RNF121: variants seen among roughly 807,000 people sequenced by gnomAD.
RNF121 encodes the protein E3 ubiquitin ligase RNF121.
Under a neutral mutation model 46.5 loss-of-function variants are expected in RNF121, and 21 were observed. The ratio of observed to expected loss-of-function variants is 0.45; its 90% CI spans 0.32 to 0.65. The LOEUF (loss-of-function observed/expected upper bound fraction) is 0.65, where lower values mean the gene tolerates loss of function less well. RNF121 is among the 30% of genes least tolerant of loss of function. The pLI, the probability that RNF121 is intolerant of heterozygous loss-of-function variation, is 0.04. For missense variants in RNF121, 346 were observed against 416.0 expected (o/e 0.83, Z 1.46); for synonymous variants, 139 against 144.7 (o/e 0.96, Z 0.28).
intron 2 of RNF121, 126 bp downstream of exon 2, chr11:71,957,390 G>C: frequency 1.3e-6 from 1 of 751,602 alleles, no homozygotes; most frequent in East Asian, 2.5e-5. Flanking sequence ...GGTAGGACTG[G>C]TCTTTTGGGA....
At position 71,979,950 on chromosome 11, in the gene RNF121, C is replaced by T. The variant is rs116279949; in HGVS notation, c.244-2811C>T. Reference sequence around the variant, plus strand: ...GCATGAAGACCAAAACCTTCCAGCCCTTCTTTCCATATGCCACCCTTTTAG... The same window carrying T: ...GCATGAAGACCAAAACCTTCCAGCCTTTCTTTCCATATGCCACCCTTTTAG... On this transcript the variant is annotated intron_variant, in intron 3 of 8. Coordinates refer to ENST00000361756, the MANE Select transcript of RNF121 (RefSeq NM_018320.5). 9.7e-3 allele frequency among the ~76,000 whole-genome samples: 1,482 copies of T among 152,298 alleles called. 26 individuals are homozygous for T. The highest frequency in any genetic ancestry group is 0.034 in the African/African-American group (1,403 of 41,542).
intron 5 of RNF121, among the ~76,000 whole-genome samples, chr11:71,989,655 T>C (rs1954830268): frequency 1.3e-5 from 2 of 152,200 alleles, no homozygotes; most frequent in African/African-American, 4.8e-5. Context: ...CAAAGATTTA[T>C]AGACTCAAGG....
chr11:71,934,099 T>C (rs944374810), intron 1 of RNF121, among the ~76,000 whole-genome samples: 19 of 152,152 alleles, frequency 1.2e-4, no homozygotes, highest in African/African-American at 4.3e-4. Context: ...CCCTTTAAAG[T>C]TCTAGCTTGC....
At chr11:71,937,042 T>C (rs1953432878) in intron 1 of RNF121, among the ~76,000 whole-genome samples, 1 of 152,236 alleles carries the variant, frequency 6.6e-6, no homozygotes, top group South Asian at 2.1e-4. Context: ...CCTATCAGTA[T>C]TTGTTTATAA....
chr11:71,995,653 C>A, intron 8 of RNF121, 102 bp downstream of exon 8: 2 of 838,584 alleles, frequency 2.4e-6, no homozygotes, highest in South Asian at 1.5e-5. Flanking sequence ...CTTCTGCCCC[C>A]AACCAGAACA....
At chr11:71,952,807 C>A (rs1331679891) in intron 1 of RNF121, among the ~76,000 whole-genome samples, 5 of 150,352 alleles carry the variant, frequency 3.3e-5, no homozygotes, top group Non-Finnish European at 3.0e-5. Flanking sequence ...GACTCTGTCT[C>A]AAAAAAAAAA....
At position 71,974,578 on chromosome 11, in the gene RNF121, T is replaced by C. The variant is rs1055211663; in HGVS notation, c.244-8183T>C. On this transcript the variant is annotated intron_variant, in intron 3 of 8. Transcript: ENST00000361756. ...AACACATGACCATTAAATTGGAGAG[T>C]TGGACCTAAAATGAAAATCTGATTC... Among the ~76,000 whole-genome samples the C allele has an allele frequency of 3.3e-5, 5 of 152,162 alleles. No homozygotes were observed. The East Asian group carries it at 9.6e-4, about 29-fold the overall frequency.
At chr11:71,993,036 A>G (rs1046369231) in intron 6 of RNF121, among the ~76,000 whole-genome samples, 1 of 152,156 alleles carries the variant, frequency 6.6e-6, no homozygotes, top group Non-Finnish European at 1.5e-5. Flanking sequence ...TTTGTCCCTC[A>G]GTATCATGGG....
chr11:71,950,401 T>A (rs886758974), intron 1 of RNF121, among the ~76,000 whole-genome samples: 2 of 151,926 alleles, frequency 1.3e-5, no homozygotes, highest in Admixed American at 1.3e-4. Context: ...CTGGCCAACA[T>A]GATGAAACCC....
chr11:71,980,290 C>T (rs1954621829), intron 3 of RNF121, among the ~76,000 whole-genome samples: 1 of 152,060 alleles, frequency 6.6e-6, no homozygotes. Context: ...GTTCTGCTTA[C>T]CCTTTTCTCT....
intron 1 of RNF121, among the ~76,000 whole-genome samples, chr11:71,931,468 T>C (rs1436159269): frequency 2.6e-5 from 4 of 152,182 alleles, no homozygotes; most frequent in Non-Finnish European, 1.5e-5. Flanking sequence ...CAGACCTTAG[T>C]TGGTATTCAG....
At chr11:71,969,838 A>C (rs1954380449) in intron 3 of RNF121, among the ~76,000 whole-genome samples, 1 of 152,200 alleles carries the variant, frequency 6.6e-6, no homozygotes, top group African/African-American at 2.4e-5. Flanking sequence ...AAGTATTGGG[A>C]TTACAGGCAT....
In RNF121 at chr11:71,969,859, G is replaced by A. The variant is rs200253473; in HGVS notation, c.243+8968G>A. 2.6e-5 allele frequency among the ~76,000 whole-genome samples: 4 copies of A among 152,144 alleles called. No individual in the cohort carries two copies. The East Asian group carries it at 7.7e-4, about 29-fold the overall frequency. On this transcript the variant is annotated intron_variant, in intron 3 of 8. Transcript: ENST00000361756. ...TGGGATTACAGGCATGAGCCACCGTGCCAAGCCAAAACCACATTTTAAAAA... is the reference window on the plus strand; with the variant it reads ...TGGGATTACAGGCATGAGCCACCGTACCAAGCCAAAACCACATTTTAAAAA...
chr11:71,937,678 C>G (rs761691209), intron 1 of RNF121, among the ~76,000 whole-genome samples: 1 of 152,192 alleles, frequency 6.6e-6, no homozygotes, highest in Non-Finnish European at 1.5e-5. Flanking sequence ...ATTGCTTCAA[C>G]TTTTTAGTCC....
At chr11:71,962,243 C>G in intron 3 of RNF121, 4 of 894,384 alleles carry the variant, frequency 4.5e-6, no homozygotes, top group Non-Finnish European at 5.4e-6. Context: ...GGATTACAGG[C>G]GTGAGCCACC....
At position 71,994,045 on chromosome 11, in the gene RNF121, T is replaced by C. The variant is rs185328843; in HGVS notation, c.628-674T>C. 3.9e-5 allele frequency among the ~76,000 whole-genome samples: 6 copies of C among 152,234 alleles called. No homozygotes were observed. The East Asian group carries it at 1.2e-3, about 29-fold the overall frequency. ...TTAGTAGAGACGGGGTTTCACTGTG[T>C]TAGTTAGGATGCTCTCGATCTCCTG... On this transcript the variant is annotated intron_variant, in intron 6 of 8. Coordinates refer to ENST00000361756, the MANE Select transcript of RNF121 (RefSeq NM_018320.5).
chr11:71,952,075 A>G (rs1028937501), intron 1 of RNF121, among the ~76,000 whole-genome samples: 2 of 152,254 alleles, frequency 1.3e-5, no homozygotes, highest in Non-Finnish European at 2.9e-5. Context: ...CAATGCCTAC[A>G]TTCATCAGCT....
chr11:71,983,999 G>T (rs1213847576), intron 4 of RNF121, among the ~76,000 whole-genome samples: 1 of 152,160 alleles, frequency 6.6e-6, no homozygotes, highest in Non-Finnish European at 1.5e-5. Flanking sequence ...TACTTTAAAG[G>T]CCACTGTGGA....
intron 1 of RNF121, among the ~76,000 whole-genome samples, chr11:71,940,239 T>G (rs1401623017): frequency 6.6e-6 from 1 of 152,218 alleles, no homozygotes; most frequent in Non-Finnish European, 1.5e-5. Flanking sequence ...TTTCTTGCAT[T>G]CAGGGAATTT....
Sources: allele counts gnomAD v4.1 joint callset (sites outside exome capture counted in the v4.1 genomes callset), GRCh38; gene constraint gnomAD v4.1.1; transcripts MANE v1.5; gene names NCBI Gene and HGNC (gene_info 2026-07-23, HGNC 2026-07-21).